The following DGKB variants were observed in gnomAD, a reference collection of about 807,000 sequenced individuals.
DGKB encodes diacylglycerol kinase beta.
In DGKB, 67 loss-of-function variants were observed where a neutral mutation model predicts 114.3. The observed-to-expected ratio is 0.59, with a 90% CI of 0.48 to 0.72. DGKB has a LOEUF of 0.72. Ranked by LOEUF, DGKB falls within the 30% of genes least tolerant of loss-of-function variation. The pLI is 0.00. For missense variants in DGKB, 907 were observed against 975.2 expected (o/e 0.93, Z 0.93); for synonymous variants, 398 against 323.1 (o/e 1.23, Z -2.49).
intron 20 of DGKB, among the ~76,000 whole-genome samples, chr7:14,562,015 G>GC (rs1389310251): frequency 6.6e-6 from 1 of 152,136 alleles, no homozygotes; most frequent in Non-Finnish European, 1.5e-5. Flanking sequence ...TGGGCCCAGG[G>GC]CCCCCCTCAT....
chr7:14,583,364 AT>A (rs1376172032), intron 17 of DGKB, among the ~76,000 whole-genome samples: 2 of 152,050 alleles, frequency 1.3e-5, no homozygotes, highest in Non-Finnish European at 2.9e-5. Context: ...TCCATAATGA[AT>A]ATACTCTTTT....
intron 20 of DGKB, among the ~76,000 whole-genome samples, chr7:14,528,997 G>A (rs929026766): frequency 1.3e-5 from 2 of 151,930 alleles, no homozygotes; most frequent in African/African-American, 4.8e-5. Flanking sequence ...CAATCAAGGG[G>A]GTAGTTTAAC....
intron 8 of DGKB, among the ~76,000 whole-genome samples, chr7:14,696,157 C>T (rs183749638): frequency 2.5e-4 from 38 of 152,116 alleles, no homozygotes; most frequent in African/African-American, 7.9e-4. Flanking sequence ...ACACACACAC[C>T]AAAAATGCTT....
intron 21 of DGKB, among the ~76,000 whole-genome samples, chr7:14,421,260 A>G (rs1021604175): frequency 7.2e-5 from 11 of 152,100 alleles, no homozygotes; most frequent in Non-Finnish European, 1.6e-4. Flanking sequence ...GTGTCAATAA[A>G]TCTATGCTTT....
intron 21 of DGKB, among the ~76,000 whole-genome samples, chr7:14,446,824 C>T (rs901049586): frequency 6.6e-6 from 1 of 152,004 alleles, no homozygotes; most frequent in African/African-American, 2.4e-5. Flanking sequence ...AGAGAGGAGG[C>T]AGTTAGAGGC....
intron 9 of DGKB, among the ~76,000 whole-genome samples, chr7:14,688,813 T>C (rs1822179812): frequency 1.0e-5 from 1 of 97,674 alleles, no homozygotes; most frequent in African/African-American, 4.4e-5. Context: ...GTTTTAGTTT[T>C]TCCATAAATA....
At chr7:14,963,089 C>T (rs1050423575) in intron 1 of DGKB, among the ~76,000 whole-genome samples, 41 of 152,080 alleles carry the variant, frequency 2.7e-4, no homozygotes, top group Admixed American at 1.7e-3. Context: ...TTTTCAGGCT[C>T]TCCCCTCTTA....
chr7:14,732,185 G>C (rs536231914), intron 5 of DGKB, among the ~76,000 whole-genome samples: 1 of 127,028 alleles, frequency 7.9e-6, no homozygotes, highest in African/African-American at 2.9e-5. Flanking sequence ...TTATCATTCA[G>C]TAGTGAGCAT....
chr7:14,271,827 G>A (rs539917850), intron 23 of DGKB, among the ~76,000 whole-genome samples: 35 of 152,276 alleles, frequency 2.3e-4, no homozygotes, highest in African/African-American at 8.2e-4. Context: ...AAGGGGGCGA[G>A]GGTACAGGCA....
At position 14,338,604 on chromosome 7, in the gene DGKB, T is replaced by C. The variant is rs1811099378; in HGVS notation, c.2033A>G (p.Lys678Arg). 1 of 1,610,932 alleles carries C rather than the reference T, an allele frequency of 6.2e-7. No homozygotes were observed. Among genetic ancestry groups the C allele is most frequent in the Non-Finnish European group, 8.5e-7 (1 of 1,178,252 alleles). The change falls in exon 23 of 26, where the codon AAA becomes AGA. Residue 678 changes from lysine (K) to arginine (R), a missense_variant. This residue lies in a region of DGKB where 814 missense variants were observed against 856.6 expected (regional missense o/e 0.95). Coordinates refer to ENST00000402815, the MANE Select transcript of DGKB (RefSeq NM_001350709.2). The stretch of plus-strand genomic sequence containing the variant: ...CTCTATTCGTCGATGGCTTCGTCTT[T>C]TCTTAGACTCTCCCCAAAGATTGGA... ...GGSNLWGESKKRRSHRRIEKK... is the reference protein window; with the variant it reads ...GGSNLWGESKRRRSHRRIEKK...
intron 2 of DGKB, among the ~76,000 whole-genome samples, chr7:14,766,589 C>T (rs759744183): frequency 4.0e-5 from 6 of 151,754 alleles, no homozygotes; most frequent in Non-Finnish European, 8.8e-5. Flanking sequence ...CCAAGTGTAG[C>T]CATTAGGAAA....
chr7:14,430,710 C>T (rs144329868), intron 21 of DGKB, among the ~76,000 whole-genome samples: 20 of 152,238 alleles, frequency 1.3e-4, no homozygotes, highest in Non-Finnish European at 2.1e-4. Flanking sequence ...GGCCAACTGT[C>T]CAAGTGAATT....
intron 23 of DGKB, among the ~76,000 whole-genome samples, chr7:14,192,483 C>T (rs1784444797): frequency 6.6e-6 from 1 of 152,088 alleles, no homozygotes; most frequent in Non-Finnish European, 1.5e-5. Context: ...AATGGAAAGA[C>T]ATATTATATT....
intron 21 of DGKB, among the ~76,000 whole-genome samples, chr7:14,374,652 T>C (rs1173127430): frequency 6.6e-6 from 1 of 152,222 alleles, no homozygotes; most frequent in African/African-American, 2.4e-5. Flanking sequence ...GGTATGATAA[T>C]AAGAGCTAGT....
chr7:14,780,467 G>A (rs1271392938), intron 2 of DGKB, among the ~76,000 whole-genome samples: 1 of 152,160 alleles, frequency 6.6e-6, no homozygotes, highest in African/African-American at 2.4e-5. Context: ...AAATAGTGTG[G>A]CTGGCCCCTG....
At chr7:14,393,761 T>C (rs1431885379) in intron 21 of DGKB, among the ~76,000 whole-genome samples, 1 of 152,228 alleles carries the variant, frequency 6.6e-6, no homozygotes, top group Non-Finnish European at 1.5e-5. Flanking sequence ...AATGTTTTTA[T>C]AGTGTCTAAC....
At chr7:14,919,616 AG>A (rs1784419670) in intron 1 of DGKB, among the ~76,000 whole-genome samples, 1 of 152,224 alleles carries the variant, frequency 6.6e-6, no homozygotes, top group Non-Finnish European at 1.5e-5. Flanking sequence ...GTTTTTCAAC[AG>A]ACAAAAAGAT....
chr7:14,635,285 A>G (rs1810515888), intron 13 of DGKB, among the ~76,000 whole-genome samples: 1 of 87,066 alleles, frequency 1.1e-5, no homozygotes, highest in Non-Finnish European at 2.3e-5. Context: ...TTTTGTCTGG[A>G]GGCTATTGAC....
chr7:14,215,318 C>T (rs1027673339), intron 23 of DGKB, among the ~76,000 whole-genome samples: 12 of 152,088 alleles, frequency 7.9e-5, no homozygotes, highest in East Asian at 5.8e-4. Context: ...TTAAGGTTTT[C>T]GAGCCACATT....
Sources: allele counts gnomAD v4.1 joint callset (sites outside exome capture counted in the v4.1 genomes callset), GRCh38; gene constraint gnomAD v4.1.1; regional missense constraint gnomAD v4.1.1; transcripts MANE v1.5; gene names NCBI Gene and HGNC (gene_info 2026-07-23, HGNC 2026-07-21).